MAD1L1: variants seen among roughly 807,000 people sequenced by gnomAD.
The protein encoded by MAD1L1 is mitotic spindle assembly checkpoint protein MAD1.
MAD1L1 carries 95 observed loss-of-function variants against 96.9 expected under a neutral mutation model. The observed-to-expected ratio is 0.98, with a 90% CI of 0.83 to 1.16. The LOEUF is 1.16. MAD1L1 is among the 50% of genes most tolerant of loss of function. The pLI is 0.00. For synonymous variants in MAD1L1, 473 were observed against 396.6 expected, an observed-to-expected ratio of 1.19 and a Z score of -2.29; for missense variants, 1,007 against 954.4, an observed-to-expected ratio of 1.06 and a Z score of -0.73.
chr7:2,141,395 A>G (rs535247762), intron 11 of MAD1L1, among the ~76,000 whole-genome samples: 6 of 152,342 alleles, frequency 3.9e-5, no homozygotes, highest in Admixed American at 1.3e-4. Flanking sequence ...TCTCAGGCCC[A>G]GCAGCCAGCT....
intron 10 of MAD1L1, among the ~76,000 whole-genome samples, chr7:2,167,506 G>A (rs1015037756): frequency 1.3e-5 from 2 of 151,918 alleles, no homozygotes; most frequent in Non-Finnish European, 1.5e-5. Flanking sequence ...CCGAGATCAC[G>A]CCACTGCACT....
At chr7:2,174,000 T>G (rs576577682) in intron 10 of MAD1L1, among the ~76,000 whole-genome samples, 15 of 152,236 alleles carry the variant, frequency 9.9e-5, no homozygotes, top group African/African-American at 1.9e-4. Flanking sequence ...GTTGGACAGA[T>G]GGGGTCTCAC....
At chr7:2,153,986 T>A (rs544262819) in intron 10 of MAD1L1, among the ~76,000 whole-genome samples, 2 of 152,048 alleles carry the variant, frequency 1.3e-5, no homozygotes, top group South Asian at 2.1e-4. Context: ...TGAAACTCCA[T>A]CTCTACTAAA....
rs150350255 is a variant in MAD1L1 at position 2,114,886 on chromosome 7, C to A, written c.1073+34266G>T. 1.2e-3 allele frequency among the ~76,000 whole-genome samples: 180 copies of A among 152,340 alleles called. 1 individual carries two copies. The highest frequency in any genetic ancestry group is 4.0e-3 in the African/African-American group (165 of 41,570). On this transcript the variant is annotated intron_variant, in intron 11 of 18. Transcript: ENST00000265854. This position sits in a 1 kb window ranked among gnomAD's most constrained non-coding sequence, Gnocchi z 4.2. ...GTAGTTCTGGGATCTCGGTAAGAAT[C>A]TGCTTTGCAAACACAAGGGCCTCGA...
chr7:2,123,790 A>C (rs1436752371), intron 11 of MAD1L1, among the ~76,000 whole-genome samples: 1 of 152,254 alleles, frequency 6.6e-6, no homozygotes, highest in Non-Finnish European at 1.5e-5. Context: ...AATGCCTCCC[A>C]ATCTGTTCCT....
rs1214147676 is a variant in MAD1L1 at position 2,198,512 on chromosome 7, G to A, written c.986+14700C>T. On this transcript the variant is annotated intron_variant, in intron 10 of 18. Coordinates refer to ENST00000265854, the MANE Select transcript of MAD1L1 (RefSeq NM_001013836.2). ...CAACACCAGGAGCGCTGGCATCGCC[G>A]GAGCAAGGAGCCCGTGATGGCCGTC... 3.9e-5 allele frequency among the ~76,000 whole-genome samples: 6 copies of A among 152,366 alleles called. No individual in the cohort carries two copies. The South Asian group carries it at 8.3e-4, about 21-fold the overall frequency.
intron 17 of MAD1L1, among the ~76,000 whole-genome samples, chr7:1,898,683 A>T (rs1028439892): frequency 6.6e-6 from 1 of 152,208 alleles, no homozygotes; most frequent in Non-Finnish European, 1.5e-5. Flanking sequence ...CTCCACAGGG[A>T]TCAGCCCTCG....
At chr7:1,982,384 T>C (rs1042455259) in intron 14 of MAD1L1, among the ~76,000 whole-genome samples, 4 of 152,130 alleles carry the variant, frequency 2.6e-5, no homozygotes, top group Non-Finnish European at 4.4e-5. Context: ...AATTTTTGTA[T>C]TTTTAGTAGA....
intron 18 of MAD1L1, among the ~76,000 whole-genome samples, chr7:1,860,967 T>C (rs915000795): frequency 1.3e-5 from 2 of 152,280 alleles, no homozygotes; most frequent in East Asian, 1.9e-4. Flanking sequence ...GGCTAGTCTA[T>C]AGGTGGTTGT....
At chr7:1,936,993 C>A (rs1778650303) in intron 16 of MAD1L1, 96 bp from the exon 17 acceptor site, 1 of 944,484 alleles carries the variant, frequency 1.1e-6, no homozygotes. Flanking sequence ...GGAAGACACA[C>A]AGCACGGGTC....
rs538353789 is a variant in MAD1L1, at chr7:2,061,060, C to T, written c.1218+8134G>A. On this transcript the variant is annotated intron_variant, in intron 12 of 18. Coordinates refer to ENST00000265854, the MANE Select transcript of MAD1L1 (RefSeq NM_001013836.2). ...CAAACAATCATTTAAAGGCCCAGGACGGATACAGTGGCTCACGCCTGTAAT... is the reference window on the plus strand; with the variant it reads ...CAAACAATCATTTAAAGGCCCAGGATGGATACAGTGGCTCACGCCTGTAAT... Among the ~76,000 whole-genome samples, 254 of 152,384 alleles carry T rather than the reference C, an allele frequency of 1.7e-3. 1 individual carries two copies. Among genetic ancestry groups the T allele is most frequent in the Non-Finnish European group, 2.3e-3 (158 of 68,042 alleles).
intron 15 of MAD1L1, among the ~76,000 whole-genome samples, chr7:1,976,404 T>A (rs1780640525): frequency 6.6e-6 from 1 of 152,216 alleles, no homozygotes; most frequent in Non-Finnish European, 1.5e-5. Flanking sequence ...ACCTTCATGG[T>A]GAGTGTTACA....
At chr7:2,044,280 A>G (rs2128512974) in intron 12 of MAD1L1, among the ~76,000 whole-genome samples, 1 of 152,356 alleles carries the variant, frequency 6.6e-6, no homozygotes, top group African/African-American at 2.4e-5. Context: ...CGCTCTCTCC[A>G]GCAACGAAAC....
intron 17 of MAD1L1, among the ~76,000 whole-genome samples, chr7:1,912,613 C>T (rs1193081585): frequency 6.6e-6 from 1 of 152,148 alleles, no homozygotes; most frequent in African/African-American, 2.4e-5. Flanking sequence ...AGTGGGGGAA[C>T]GGTCCTCAGA....
intron 10 of MAD1L1, among the ~76,000 whole-genome samples, chr7:2,160,137 G>A (rs547235331): frequency 4.6e-5 from 7 of 151,930 alleles, no homozygotes; most frequent in East Asian, 1.9e-4. Flanking sequence ...ATGCTGAGGC[G>A]GGAGGATCTC....
chr7:1,921,190 C>T (rs529487367), intron 17 of MAD1L1, among the ~76,000 whole-genome samples: 6 of 152,356 alleles, frequency 3.9e-5, no homozygotes, highest in East Asian at 3.9e-4. Context: ...GGCCCTGAGG[C>T]GCCCTTCCCT....
At chr7:2,187,942 C>T (rs909595770) in intron 10 of MAD1L1, among the ~76,000 whole-genome samples, 12 of 152,166 alleles carry the variant, frequency 7.9e-5, no homozygotes, top group Admixed American at 3.3e-4. Flanking sequence ...CTGCCAAACA[C>T]ATATCTAAAT....
intron 12 of MAD1L1, among the ~76,000 whole-genome samples, chr7:2,029,276 G>T (rs1783113406): frequency 1.3e-5 from 2 of 152,180 alleles, no homozygotes; most frequent in Non-Finnish European, 2.9e-5. Flanking sequence ...ATACCCATAA[G>T]ATAGAAATGA....
intron 11 of MAD1L1, among the ~76,000 whole-genome samples, chr7:2,102,366 A>G (rs975877347): frequency 6.7e-6 from 1 of 148,522 alleles, no homozygotes; most frequent in Non-Finnish European, 1.5e-5. Flanking sequence ...CACCGTCACT[A>G]TCACCACCGT....
Sources: allele counts gnomAD v4.1 joint callset (sites outside exome capture counted in the v4.1 genomes callset), GRCh38; gene constraint gnomAD v4.1.1; non-coding constraint Gnocchi (gnomAD v3.1); transcripts MANE v1.5; gene names NCBI Gene and HGNC (gene_info 2026-07-23, HGNC 2026-07-21).